The following VSIG10L variants were observed in gnomAD, a reference collection of about 807,000 sequenced individuals.
The protein encoded by VSIG10L is V-set and immunoglobulin domain-containing protein 10-like.
VSIG10L carries 63 observed loss-of-function variants against 67.3 expected under a neutral mutation model. The observed-to-expected ratio is 0.94, with a 90% CI of 0.76 to 1.15. The LOEUF (loss-of-function observed/expected upper bound fraction) is 1.15, where lower values mean the gene tolerates loss of function less well. VSIG10L is among the 50% of genes most tolerant of loss of function. VSIG10L has a pLI of 0.00. For synonymous variants in VSIG10L, 499 were observed against 524.9 expected (o/e 0.95, Z 0.67); for missense variants, 1,050 against 1,177.5 (o/e 0.89, Z 1.58).
chr19:51,333,843 G>A lies in VSIG10L; in HGVS notation c.2522C>T (p.Pro841Leu), dbSNP rs907165911. Residue 841 changes from proline (P) to leucine (L), a missense_variant, in exon 9 of 10, where the codon CCT (proline) becomes CTT (leucine). This residue lies in a region of VSIG10L where 529 missense variants were observed against 584.9 expected (regional missense o/e 0.90). Transcript: ENST00000335624. ...CTCCAGAGGGACTTTGAGGTCCAGA[G>A]GCCATGAAATCTCCACTGGGGTCAC... ...HSVTPVEISWPLDLKVPLEDH... is the reference protein window; with the variant it reads ...HSVTPVEISWLLDLKVPLEDH... The A allele has an allele frequency of 6.4e-7, 1 of 1,551,716 alleles. No homozygotes were observed. The highest frequency in any genetic ancestry group is 8.7e-7 in the Non-Finnish European group (1 of 1,146,998).
At position 51,332,408 on chromosome 19, in the gene VSIG10L, T is replaced by C; in HGVS notation, c.*203A>G. The C allele has an allele frequency of 1.5e-6, 1 of 685,348 alleles. No individual in the cohort carries two copies. 42.5% of individuals were successfully genotyped at this position (685,348 alleles called of 1,614,324 possible). On this transcript the variant is annotated 3_prime_UTR_variant, in exon 10 of 10. Coordinates refer to ENST00000335624, the MANE Select transcript of VSIG10L (RefSeq NM_001163922.3). The stretch of plus-strand genomic sequence containing the variant: ...AGCCAAGAAGTCACATCTCCTTACT[T>C]GCACAAATACAGGAAGACTCTTCTT...
chr19:51,341,628 G>C lies in VSIG10L; in HGVS notation c.420C>G (p.Thr140=). ...CTTGAGTAGAAATGTTTGAAGCTGG[G>C]GTCTTAACAGTGAAGGAAGGCTTGG... ...KDPKPSFTVK[T]PASNISTQVS... The change falls in exon 2 of 10, where the codon ACC becomes ACG. Residue 140 remains threonine (T), a synonymous_variant. Coordinates refer to ENST00000335624, the MANE Select transcript of VSIG10L (RefSeq NM_001163922.3). 1 of 1,551,712 alleles carries C rather than the reference G, an allele frequency of 6.4e-7. No homozygotes were observed. The highest frequency in any genetic ancestry group is 8.7e-7 in the Non-Finnish European group (1 of 1,146,994).
At chr19:51,339,479 C>T (rs1003253727) in intron 4 of VSIG10L, among the ~76,000 whole-genome samples, 1 of 152,126 alleles carries the variant, frequency 6.6e-6, no homozygotes, top group Non-Finnish European at 1.5e-5. Flanking sequence ...AGAAGCCTCC[C>T]CTTTTCCCAG....
chr19:51,336,393 C>A (rs1326102420), intron 7 of VSIG10L, among the ~76,000 whole-genome samples: 1 of 151,954 alleles, frequency 6.6e-6, no homozygotes, highest in African/African-American at 2.4e-5. Flanking sequence ...CCCATCTCTA[C>A]TAATACAAAA....
chr19:51,340,326 G>A lies in VSIG10L; in HGVS notation c.1190-27C>T, dbSNP rs540034011. ...TGGAGGGAGGAGGGGTCGGGACCGC[G>A]AGTGTCAGGGTCACCTGGGACGCCG... On this transcript the variant is annotated intron_variant, in intron 3 of 9. Transcript: ENST00000335624. The surrounding 1 kb of genome is among the most constrained non-coding windows in gnomAD (Gnocchi z 6.3). 1 of 1,486,794 alleles carries A rather than the reference G, an allele frequency of 6.7e-7. No individual in the cohort carries two copies. Among genetic ancestry groups the A allele is most frequent in the Non-Finnish European group, 8.9e-7 (1 of 1,121,366 alleles). 92.1% of individuals were successfully genotyped at this position (1,486,794 alleles called of 1,614,324 possible). A position where few individuals can be genotyped will look rare whatever the true frequency, so the allele number is the denominator to read the frequency against.
chr19:51,333,670 T>C lies in VSIG10L; in HGVS notation c.2574+121A>G, dbSNP rs1197039913. 13 of 1,224,518 alleles carry C rather than the reference T, an allele frequency of 1.1e-5. No homozygotes were observed. The Admixed American group carries it at 1.3e-4, about 12-fold the overall frequency. The allele number at this position is 1,224,518 out of a possible 1,614,324, so 75.9% of individuals were successfully genotyped here. A position where few individuals can be genotyped will look rare whatever the true frequency, so the allele number is the denominator to read the frequency against. ...TGCATTTTTAAAAAGGATAAAGTTA[T>C]ACAGACTGTAAACTAACAAGTAAAA... On this transcript the variant is annotated intron_variant, in intron 9 of 9. Transcript: ENST00000335624.
chr19:51,338,942 T>TGGGGACGCCGCTGAGCCGGGGGTGGGC lies in VSIG10L; in HGVS notation c.1648_1674dup (p.Ala550_Pro558dup), dbSNP rs1170607834. On this transcript the variant is annotated inframe_insertion, in exon 5 of 10. Coordinates refer to ENST00000335624, the MANE Select transcript of VSIG10L (RefSeq NM_001163922.3). ...ACCAGGTGGCGAGCAAGGCAGGTGA[T>TGGGGACGCCGCTGAGCCGGGGGTGGGC]GGGGACGCCGCTGAGCCGGGGGTGG... The TGGGGACGCCGCTGAGCCGGGGGTGGGC allele has an allele frequency of 1.4e-6, 2 of 1,436,370 alleles. No homozygotes were observed. The highest frequency in any genetic ancestry group is 3.0e-5 in the East Asian group (1 of 33,214). 89.0% of individuals were successfully genotyped at this position (1,436,370 alleles called of 1,614,324 possible).
At chr19:51,338,238 G>A in intron 5 of VSIG10L, 30 bp from the exon 6 acceptor site, 2 of 1,450,954 alleles carry the variant, frequency 1.4e-6, no homozygotes, top group Non-Finnish European at 1.8e-6. Flanking sequence ...AGTTAAGAAA[G>A]TCAAGACCTT....
Position 51,336,763 on chromosome 19 carries a change from A to T in VSIG10L, c.2305+475T>A, listed in dbSNP as rs76485965. ...GGAGTAGGACCCTGTCGACACCTTG[A>T]TTTTTTTTTTTTTTTTTTTTTTGAG... is the stretch of plus-strand genomic sequence containing the variant. On this transcript the variant is annotated intron_variant, in intron 7 of 9. Transcript: ENST00000335624. 3.1e-5 allele frequency among the ~76,000 whole-genome samples: 3 copies of T among 97,060 alleles called. No homozygotes were observed. In the Admixed American group the frequency reaches 3.7e-4, roughly 12 times the overall value. The allele number at this position is 97,060 out of a possible 152,430, so 63.7% of individuals were successfully genotyped here. A position where few individuals can be genotyped will look rare whatever the true frequency, so the allele number is the denominator to read the frequency against.
Position 51,341,474 on chromosome 19 carries a change from G to T in VSIG10L, c.574C>A (p.Pro192Thr). The T allele has an allele frequency of 1.3e-6, 2 of 1,547,346 alleles. No individual in the cohort carries two copies. The highest frequency in any genetic ancestry group is 1.7e-6 in the Non-Finnish European group (2 of 1,144,550). Reference sequence around the variant, plus strand: ...GCGAGTGGGCCCCCCACCTGCTGGGGAAAGCTTGCAGCTGAGTGGGTCTCT... The same window carrying T: ...GCGAGTGGGCCCCCCACCTGCTGGGTAAAGCTTGCAGCTGAGTGGGTCTCT... ...SAETHSAASF[P>T]QQVGGPLAVL... Residue 192 changes from proline (P) to threonine (T), a missense_variant, in exon 2 of 10, where the codon CCC (proline) becomes ACC (threonine). Around this residue, in one of 3 missense-constraint regions of VSIG10L, gnomAD observed 511 missense variants for 557.9 expected, o/e 0.92. Coordinates refer to ENST00000335624, the MANE Select transcript of VSIG10L (RefSeq NM_001163922.3).
chr19:51,336,850 T>G (rs1215350838), intron 7 of VSIG10L, among the ~76,000 whole-genome samples: 2 of 138,584 alleles, frequency 1.4e-5, no homozygotes, highest in Non-Finnish European at 3.0e-5. Flanking sequence ...CACTGCAAGC[T>G]CCGCCTCCCG....
intron 8 of VSIG10L, 32 bp from the exon 9 acceptor site, chr19:51,333,977 C>A (rs186209403): frequency 1.3e-6 from 2 of 1,550,660 alleles, no homozygotes; most frequent in Non-Finnish European, 1.7e-6. Context: ...AGCAGGAACA[C>A]GTGATTGGCT....
intron 2 of VSIG10L, 28 bp downstream of exon 2, chr19:51,341,125 T>G: frequency 6.8e-7 from 1 of 1,479,750 alleles, no homozygotes; most frequent in Non-Finnish European, 9.0e-7. Context: ...CCCTGCCGCC[T>G]GCACGCCGGA....
At chr19:51,335,696 G>C (rs1985462681) in intron 7 of VSIG10L, among the ~76,000 whole-genome samples, 1 of 152,146 alleles carries the variant, frequency 6.6e-6, no homozygotes, top group Non-Finnish European at 1.5e-5. Context: ...ATCACTTGAG[G>C]TCAGGAGCTC....
chr19:51,339,524 T>G, intron 4 of VSIG10L: 1 of 242,508 alleles, frequency 4.1e-6, no homozygotes, highest in African/African-American at 2.2e-5. Flanking sequence ...CCCTTCCCCT[T>G]TCTAAGACAA....
intron 4 of VSIG10L, 69 bp downstream of exon 4, chr19:51,339,946 C>G (rs956394267): frequency 1.6e-6 from 2 of 1,247,340 alleles, no homozygotes; most frequent in Non-Finnish European, 2.0e-6. Flanking sequence ...CCCCTTTCCT[C>G]TAGCCCCGCC....
intron 7 of VSIG10L, among the ~76,000 whole-genome samples, chr19:51,336,100 T>A (rs759828235): frequency 6.6e-6 from 1 of 152,208 alleles, no homozygotes; most frequent in Non-Finnish European, 1.5e-5. Flanking sequence ...AGGCATGTTA[T>A]CAACTGAATT....
At chr19:51,337,839 G>C in intron 6 of VSIG10L, 91 bp downstream of exon 6, 1 of 1,432,402 alleles carries the variant, frequency 7.0e-7, no homozygotes, top group Non-Finnish European at 9.2e-7. Context: ...AGGTCTGAGG[G>C]AGGAGAGGTC....
chr19:51,338,270 T>C, intron 5 of VSIG10L, 62 bp from the exon 6 acceptor site: 3 of 1,430,626 alleles, frequency 2.1e-6, no homozygotes, highest in African/African-American at 1.4e-5. Context: ...AAAGAACAGA[T>C]CCTATGCCCT....
Sources: allele counts gnomAD v4.1 joint callset (sites outside exome capture counted in the v4.1 genomes callset), GRCh38; gene constraint gnomAD v4.1.1; regional missense constraint gnomAD v4.1.1; non-coding constraint Gnocchi (gnomAD v3.1); transcripts MANE v1.5; gene names NCBI Gene and HGNC (gene_info 2026-07-23, HGNC 2026-07-21).